SCN2A: variants seen among roughly 807,000 people sequenced by gnomAD.
SCN2A encodes the protein sodium voltage-gated channel alpha subunit 2, also known as sodium channel protein type 2 subunit alpha.
Under a neutral mutation model 188.7 loss-of-function variants are expected in SCN2A, and 20 were observed. The ratio of observed to expected loss-of-function variants is 0.11; its 90% CI spans 0.07 to 0.15. SCN2A has a LOEUF of 0.15. SCN2A is among the 10% of genes least tolerant of loss of function. The pLI, the probability that SCN2A is intolerant of heterozygous loss-of-function variation, is 1.00. For synonymous variants in SCN2A, 804 were observed against 833.1 expected (o/e 0.97, Z 0.60); for missense variants, 1,278 against 2,445.0 (o/e 0.52, Z 10.07).
intron 1 of SCN2A, chr2:165,269,120 T>C (rs1694998181): frequency 6.6e-6 from 1 of 151,974 alleles, no homozygotes; most frequent in Non-Finnish European, 1.5e-5. Flanking sequence ...GTGTTGCATA[T>C]TCAAAAATTG....
At position 165,390,937 on chromosome 2, in the gene SCN2A, C is replaced by G. The variant is rs1008233618; in HGVS notation, c.*1113C>G. On this transcript the variant is annotated 3_prime_UTR_variant, in exon 27 of 27. Coordinates refer to ENST00000375437, the MANE Select transcript of SCN2A (RefSeq NM_001040142.2). ...GTCTGCTTTGTAAATAGTAATTTTA[C>G]CCAGTGGTGCATGTTTGAGCAAACA... 5.2e-5 allele frequency: 8 copies of G among 152,536 alleles called. No homozygotes were observed. Among genetic ancestry groups the G allele is most frequent in the Admixed American group, 5.2e-4 (8 of 15,260 alleles). The allele number at this position is 152,536 out of a possible 1,614,324, so 9.4% of individuals were successfully genotyped here.
chr2:165,323,737 T>G (rs1222128345), intron 12 of SCN2A, among the ~76,000 whole-genome samples: 1 of 152,206 alleles, frequency 6.6e-6, no homozygotes, highest in African/African-American at 2.4e-5. Context: ...TTCATCATTA[T>G]TACTATGGTA....
intron 1 of SCN2A, chr2:165,243,883 C>T (rs540311264): frequency 6.6e-4 from 100 of 152,096 alleles, no homozygotes; most frequent in African/African-American, 2.3e-3. Flanking sequence ...ATAATAGTGG[C>T]CATTGAAATA....
chr2:165,262,496 C>T (rs1265655356), intron 1 of SCN2A, among the ~76,000 whole-genome samples: 2 of 152,102 alleles, frequency 1.3e-5, no homozygotes, highest in Non-Finnish European at 2.9e-5. Flanking sequence ...TGAGTTACTT[C>T]ACTTAGAATA....
chr2:165,289,746 C>T (rs1475124648), intron 1 of SCN2A, among the ~76,000 whole-genome samples: 1 of 152,100 alleles, frequency 6.6e-6, no homozygotes, highest in Non-Finnish European at 1.5e-5. Context: ...TGAAAAAATA[C>T]TCAGTGTTGT....
rs1553463680 is a variant in SCN2A at position 165,389,299 on chromosome 2, A to G, written c.5493A>G (p.Ile1831Met). 6.2e-7 allele frequency: 1 copy of G among 1,614,104 alleles called. No individual in the cohort carries two copies. Among genetic ancestry groups the G allele is most frequent in the African/African-American group, 1.3e-5 (1 of 75,026 alleles). The change falls in exon 27 of 27, where the codon ATA (isoleucine) becomes ATG (methionine). Residue 1831 changes from isoleucine to methionine, a missense_variant. By Grantham distance (10) the Ile-to-Met change is conservative (BLOSUM62 1). Coordinates refer to ENST00000375437, the MANE Select transcript of SCN2A (RefSeq NM_001040142.2). The surrounding 1 kb of genome is among the most constrained non-coding windows in gnomAD (Gnocchi z 4.2). ...FADALDPPLLIAKPNKVQLIA... is the reference protein window; with the variant it reads ...FADALDPPLLMAKPNKVQLIA... ...ATGCCCTGGATCCTCCTCTTCTCAT[A>G]GCAAAACCCAACAAAGTCCAGCTCA...
intron 2 of SCN2A, 197 bp from the exon 3 acceptor site, chr2:165,296,820 A>T: frequency 2.5e-6 from 1 of 395,384 alleles, no homozygotes; most frequent in South Asian, 6.9e-5. Flanking sequence ...AATAATCCTC[A>T]TGTCATTTAT....
intron 13 of SCN2A, among the ~76,000 whole-genome samples, chr2:165,328,776 G>A (rs1698503095): frequency 6.6e-6 from 1 of 152,118 alleles, no homozygotes; most frequent in African/African-American, 2.4e-5. Context: ...AAGACTGAGA[G>A]TGTTTTCGTT....
rs2105403810 is a variant in SCN2A, at chr2:165,389,556, G to A, written c.5750G>A (p.Arg1917Lys). 6.2e-7 allele frequency: 1 copy of A among 1,613,940 alleles called. No individual in the cohort carries two copies. The highest frequency in any genetic ancestry group is 8.5e-7 in the Non-Finnish European group (1 of 1,179,970). ...GCTATTATTATCCAGAGGGCTTACA[G>A]ACGCTACCTCTTGAAGCAAAAAGTT... ...VSAIIIQRAY[R>K]RYLLKQKVKK... Residue 1917 changes from arginine to lysine, a missense_variant, in exon 27 of 27, where the codon AGA (arginine) becomes AAA (lysine). Physicochemically the swap from Arg to Lys is conservative, Grantham distance 26 (BLOSUM62 2). Transcript: ENST00000375437. This position sits in a 1 kb window ranked among gnomAD's most constrained non-coding sequence, Gnocchi z 4.2.
At chr2:165,293,890 C>T (rs1423075507) in intron 1 of SCN2A, 2 of 984,662 alleles carry the variant, frequency 2.0e-6, no homozygotes, top group South Asian at 4.7e-5. Context: ...CACAGTTCCC[C>T]GCCCTCTAGT....
intron 1 of SCN2A, among the ~76,000 whole-genome samples, chr2:165,242,449 T>C (rs900510000): frequency 6.6e-6 from 1 of 151,758 alleles, no homozygotes; most frequent in Non-Finnish European, 1.5e-5. Context: ...CATAAAGGGG[T>C]TGGTTCATAA....
chr2:165,334,959 C>T (rs990080645), intron 14 of SCN2A, among the ~76,000 whole-genome samples: 8 of 151,336 alleles, frequency 5.3e-5, no homozygotes, highest in Non-Finnish European at 1.2e-4. Context: ...TATTTCTAAA[C>T]ACTACTAATG....
At chr2:165,379,577 A>G (rs1701492343) in intron 23 of SCN2A, among the ~76,000 whole-genome samples, 1 of 151,742 alleles carries the variant, frequency 6.6e-6, no homozygotes, top group African/African-American at 2.4e-5. Flanking sequence ...GCATTTATGT[A>G]TTATGCACTT....
chr2:165,305,380 T>A (rs1370943137), intron 3 of SCN2A, among the ~76,000 whole-genome samples: 4 of 152,302 alleles, frequency 2.6e-5, no homozygotes, highest in African/African-American at 9.6e-5. Flanking sequence ...AGAAGAGCGG[T>A]CTCACTTGGA....
rs1378908186 is a variant in SCN2A, at chr2:165,315,600, A to G, written c.1513A>G (p.Arg505Gly). ...AAGTGAAAAAGAGCTGAAAAACAGA[A>G]GAAAGAAAAAGAAACAGAAAGAACA... ...SKSEKELKNR[R>G]KKKKQKEQSG... Residue 505 changes from arginine (R) to glycine (G), a missense_variant, in exon 11 of 27, where the codon AGA becomes GGA. Coordinates refer to ENST00000375437, the MANE Select transcript of SCN2A (RefSeq NM_001040142.2). 6.2e-7 allele frequency: 1 copy of G among 1,614,054 alleles called. No individual in the cohort carries two copies. Among genetic ancestry groups the G allele is most frequent in the Admixed American group, 1.7e-5 (1 of 59,992 alleles).
intron 14 of SCN2A, among the ~76,000 whole-genome samples, chr2:165,335,908 T>C (rs538720979): frequency 9.2e-5 from 14 of 151,836 alleles, no homozygotes; most frequent in African/African-American, 3.4e-4. Flanking sequence ...ACAAATAAAA[T>C]AGATAACTCA....
chr2:165,296,504 T>C (rs1168994914), intron 2 of SCN2A: 1 of 231,772 alleles, frequency 4.3e-6, no homozygotes, highest in Non-Finnish European at 8.6e-6. Flanking sequence ...TTATAGTCTC[T>C]AGCTCTCCAT....
chr2:165,270,004 G>T (rs1695035211), intron 1 of SCN2A: 1 of 151,792 alleles, frequency 6.6e-6, no homozygotes, highest in Non-Finnish European at 1.5e-5. Context: ...AAAAGACTGA[G>T]GTGCTGTGGT....
At chr2:165,319,751 G>A (rs1697974254) in intron 11 of SCN2A, among the ~76,000 whole-genome samples, 1 of 152,184 alleles carries the variant, frequency 6.6e-6, no homozygotes, top group Non-Finnish European at 1.5e-5. Context: ...TCAGTACCAT[G>A]AGAACAGTAT....
Sources: gnomAD v4.1 joint callset for allele counts (sites outside exome capture counted in the v4.1 genomes callset) on GRCh38, gnomAD v4.1.1 for gene constraint, Gnocchi (gnomAD v3.1) non-coding constraint, MANE v1.5 for transcripts, NCBI Gene and HGNC (gene_info 2026-07-23, HGNC 2026-07-21) for gene names.